PCDHA5: variants seen among roughly 807,000 people sequenced by gnomAD.
PCDHA5 encodes the protein protocadherin alpha 5, also known as protocadherin alpha-5.
In PCDHA5, 43 loss-of-function variants were observed where a neutral mutation model predicts 61.6. That is an observed-to-expected ratio of 0.70 (90% confidence interval 0.55 to 0.90). The LOEUF (loss-of-function observed/expected upper bound fraction) is 0.90. Among genes scored for constraint, PCDHA5 ranks in the 40% least tolerant of loss-of-function variants. The probability of loss-of-function intolerance (pLI) is 0.00; values close to 1 mark genes in which losing one functional copy is unlikely to be tolerated. For synonymous variants in PCDHA5, 627 were observed against 543.9 expected (o/e 1.15, Z -2.13); for missense variants, 1,298 against 1,222.7 (o/e 1.06, Z -0.92).
At chr5:140,853,601 AG>A in intron 1 of PCDHA5, 1 of 987,492 alleles carries the variant, frequency 1.0e-6, no homozygotes, top group Non-Finnish European at 1.2e-6. Context: ...TTGAGAGCAA[AG>A]GGGGTGCTGT....
intron 2 of PCDHA5, among the ~76,000 whole-genome samples, chr5:140,981,515 A>C (rs1554242933): frequency 1.3e-5 from 2 of 152,230 alleles, no homozygotes. Context: ...CAGAGGTTGC[A>C]GTGAGCTGAG....
chr5:140,844,317 T>G (rs1026706831), intron 1 of PCDHA5, among the ~76,000 whole-genome samples: 3 of 149,600 alleles, frequency 2.0e-5, no homozygotes, highest in African/African-American at 7.3e-5. Context: ...TTCTTCCTAA[T>G]TTTATTATAA....
intron 1 of PCDHA5, among the ~76,000 whole-genome samples, chr5:140,958,399 T>C (rs1554223458): frequency 6.6e-6 from 1 of 152,178 alleles, no homozygotes; most frequent in African/African-American, 2.4e-5. Flanking sequence ...CATCAAACAT[T>C]ATCACTGATG....
At chr5:140,955,684 G>A (rs1231376434) in intron 1 of PCDHA5, among the ~76,000 whole-genome samples, 2 of 152,156 alleles carry the variant, frequency 1.3e-5, no homozygotes, top group African/African-American at 4.8e-5. Flanking sequence ...TTCGAAATCT[G>A]TGATGAATGT....
intron 1 of PCDHA5, chr5:140,850,645 T>C: frequency 1.3e-6 from 2 of 1,598,542 alleles, no homozygotes; most frequent in South Asian, 1.1e-5. Context: ...ACGCTGCTGC[T>C]GTACACTGTG....
intron 1 of PCDHA5, chr5:140,829,592 G>C: frequency 6.2e-7 from 1 of 1,612,022 alleles, no homozygotes; most frequent in South Asian, 1.1e-5. Flanking sequence ...GCGGGTGGGC[G>C]AGCGCGCGTT....
At chr5:140,953,218 C>T (rs575250415) in intron 1 of PCDHA5, among the ~76,000 whole-genome samples, 2 of 152,272 alleles carry the variant, frequency 1.3e-5, no homozygotes, top group East Asian at 3.9e-4. Flanking sequence ...ATCTTTCTTG[C>T]TTCTGCTTGG....
At chr5:140,871,202 T>C in intron 1 of PCDHA5, 1 of 1,613,730 alleles carries the variant, frequency 6.2e-7, no homozygotes, top group Non-Finnish European at 8.5e-7. Context: ...GTGTACCTGA[T>C]CATCGCCATC....
chr5:140,886,996 T>C (rs1554182808), intron 1 of PCDHA5, among the ~76,000 whole-genome samples: 1 of 152,182 alleles, frequency 6.6e-6, no homozygotes, highest in African/African-American at 2.4e-5. Flanking sequence ...AATTTCCAGT[T>C]GGTATCACTT....
chr5:140,910,845 G>T (rs1448971238), intron 1 of PCDHA5, among the ~76,000 whole-genome samples: 1 of 152,090 alleles, frequency 6.6e-6, no homozygotes, highest in Admixed American at 6.5e-5. Flanking sequence ...CAATGCCTTG[G>T]ATCTATGTTC....
intron 1 of PCDHA5, among the ~76,000 whole-genome samples, chr5:140,914,272 A>G (rs1356508399): frequency 2.0e-5 from 3 of 152,212 alleles, no homozygotes; most frequent in Non-Finnish European, 4.4e-5. Context: ...GGGTGCATAT[A>G]TATTTATAAT....
At chr5:140,914,930 T>C (rs1474677743) in intron 1 of PCDHA5, among the ~76,000 whole-genome samples, 1 of 150,038 alleles carries the variant, frequency 6.7e-6, no homozygotes, top group Non-Finnish European at 1.5e-5. Flanking sequence ...TTGTACTATG[T>C]TGTGAAAAGT....
intron 1 of PCDHA5, among the ~76,000 whole-genome samples, chr5:140,921,714 C>T (rs942328848): frequency 2.0e-5 from 3 of 152,046 alleles, no homozygotes; most frequent in South Asian, 2.1e-4. Context: ...AGTAAACACA[C>T]GAATTACTCC....
intron 1 of PCDHA5, chr5:140,861,770 C>CCAAT (rs386405128): frequency 6.2e-6 from 1 of 161,486 alleles, no homozygotes; most frequent in Non-Finnish European, 1.3e-5. Flanking sequence ...CCTGGAAATA[C>CCAAT]CAAGAGCAGG....
At chr5:141,000,030 C>T (rs1261016075) in intron 3 of PCDHA5, among the ~76,000 whole-genome samples, 3 of 152,058 alleles carry the variant, frequency 2.0e-5, no homozygotes, top group African/African-American at 7.2e-5. Flanking sequence ...GCCTGACATC[C>T]AATCACACAC....
At chr5:140,841,759 A>T in intron 1 of PCDHA5, 1 of 1,613,894 alleles carries the variant, frequency 6.2e-7, no homozygotes, top group South Asian at 1.1e-5. Flanking sequence ...CAGAATCCAG[A>T]ATGCCAGACT....
chr5:140,835,998 G>A lies in PCDHA5; in HGVS notation c.2352+11871G>A, dbSNP rs2150249955. On this transcript the variant is annotated intron_variant, in intron 1 of 3. Transcript: ENST00000529859. The stretch of plus-strand genomic sequence containing the variant: ...GTTGCAGTTCCAGGTGAGCGCGCGC[G>A]ATGCGGGCGTGCCGCCTCTGGGCAG... 5.0e-6 allele frequency: 8 copies of A among 1,613,264 alleles called. No individual in the cohort carries two copies. The highest frequency in any genetic ancestry group is 1.1e-5 in the South Asian group (1 of 91,076).
rs200693140 is a variant in PCDHA5, at chr5:140,850,298, G to A, written c.2352+26171G>A. 1.0e-5 allele frequency: 16 copies of A among 1,596,354 alleles called. 2 individuals are homozygous for A. The South Asian group carries it at 1.3e-4, about 13-fold the overall frequency. On this transcript the variant is annotated intron_variant, in intron 1 of 3. Coordinates refer to ENST00000529859, the MANE Select transcript of PCDHA5 (RefSeq NM_018908.3). Reference sequence around the variant, plus strand: ...AGGTGCGCGCAGTGGACGCCGACTCGGGCTACAACGCGTGGCTTTCATACG... The same window carrying A: ...AGGTGCGCGCAGTGGACGCCGACTCAGGCTACAACGCGTGGCTTTCATACG...
At position 140,876,973 on chromosome 5, in the gene PCDHA5, G is replaced by A. The variant is rs2056750069; in HGVS notation, c.2352+52846G>A. ...CTCGCTGGTGGAGCGGCGGGTGGGC[G>A]AGCACGCACTGTCGAGCTACGTGTC... is the stretch of plus-strand genomic sequence containing the variant. On this transcript the variant is annotated intron_variant, in intron 1 of 3. Transcript: ENST00000529859. 3 of 1,612,624 alleles carry A rather than the reference G, an allele frequency of 1.9e-6. No individual in the cohort carries two copies. The South Asian group carries it at 3.3e-5, about 18-fold the overall frequency.
Sources: gnomAD v4.1 joint callset for allele counts (sites outside exome capture counted in the v4.1 genomes callset) on GRCh38, gnomAD v4.1.1 for gene constraint, MANE v1.5 for transcripts, NCBI Gene and HGNC (gene_info 2026-07-23, HGNC 2026-07-21) for gene names.